ATP8A2: variants seen among roughly 807,000 people sequenced by gnomAD.
The protein encoded by ATP8A2 is phospholipid-transporting ATPase IB.
In ATP8A2, 100 loss-of-function variants were observed where a neutral mutation model predicts 165.6. The observed-to-expected ratio is 0.60, with a 90% CI of 0.51 to 0.71. The LOEUF (loss-of-function observed/expected upper bound fraction) is 0.71. Ranked by LOEUF, ATP8A2 falls within the 30% of genes least tolerant of loss-of-function variation. ATP8A2 has a pLI of 0.00. For synonymous variants in ATP8A2, 543 were observed against 548.8 expected (o/e 0.99, Z 0.15); for missense variants, 1,227 against 1,479.5 (o/e 0.83, Z 2.80).
At chr13:25,657,226 T>C (rs2041953127) in intron 24 of ATP8A2, among the ~76,000 whole-genome samples, 1 of 152,072 alleles carries the variant, frequency 6.6e-6, no homozygotes. Context: ...GAAACCAAAG[T>C]GCAAAATAAG....
intron 35 of ATP8A2, 131 bp downstream of exon 35, chr13:25,968,810 G>C (rs1388210861): frequency 2.9e-6 from 2 of 693,834 alleles, no homozygotes; most frequent in African/African-American, 1.8e-5. Flanking sequence ...AAGAATTTTG[G>C]TTATTCTCAG....
intron 1 of ATP8A2, among the ~76,000 whole-genome samples, chr13:25,441,379 A>C (rs188205044): frequency 1.3e-5 from 2 of 152,170 alleles, no homozygotes; most frequent in Non-Finnish European, 1.5e-5. Flanking sequence ...TTTTGTCCCA[A>C]CCTTACCATT....
chr13:25,484,301 T>C (rs1428009516), intron 2 of ATP8A2, among the ~76,000 whole-genome samples: 1 of 151,980 alleles, frequency 6.6e-6, no homozygotes, highest in Non-Finnish European at 1.5e-5. Flanking sequence ...ATGACTAGAG[T>C]TGTATTGAAT....
chr13:25,807,286 C>T (rs1950762195), intron 27 of ATP8A2, among the ~76,000 whole-genome samples: 1 of 151,928 alleles, frequency 6.6e-6, no homozygotes, highest in Admixed American at 6.6e-5. Context: ...AAACTTTACT[C>T]CATTTTCTTG....
At chr13:25,621,157 G>C (rs2040957503) in intron 24 of ATP8A2, among the ~76,000 whole-genome samples, 1 of 152,088 alleles carries the variant, frequency 6.6e-6, no homozygotes, top group African/African-American at 2.4e-5. Flanking sequence ...TTTGTGTCTG[G>C]CTCTTCACCA....
intron 33 of ATP8A2, chr13:25,868,194 T>G (rs1394676510): frequency 4.5e-6 from 2 of 448,862 alleles, no homozygotes; most frequent in Non-Finnish European, 8.9e-6. Context: ...TTAAACTGTT[T>G]TATTATACTC....
At chr13:25,853,396 A>AATATATATATATAT (rs1555278503) in intron 30 of ATP8A2, among the ~76,000 whole-genome samples, 2 of 107,850 alleles carry the variant, frequency 1.9e-5, no homozygotes, top group East Asian at 2.4e-4. Flanking sequence ...ATCTAAAAAA[A>AATATATATATATAT]ATATATATAT....
rs542423984 is a variant in ATP8A2, at chr13:25,702,324, C to CA, written c.2384+2984dup. Reference sequence around the variant, plus strand: ...TAAACTAAAACAGTACTTTAGGCAGCAAAAAGAAGGGAATGCAAGAATTTA... The same window carrying CA: ...TAAACTAAAACAGTACTTTAGGCAGCAAAAAAGAAGGGAATGCAAGAATTTA... On this transcript the variant is annotated intron_variant, in intron 25 of 36. Coordinates refer to ENST00000381655, the MANE Select transcript of ATP8A2 (RefSeq NM_016529.6). 6.1e-4 allele frequency among the ~76,000 whole-genome samples: 93 copies of CA among 152,094 alleles called. 1 individual carries two copies. Among genetic ancestry groups the CA allele is most frequent in the African/African-American group, 2.2e-3 (92 of 41,500 alleles).
chr13:25,373,489 G>A (rs986160979), intron 1 of ATP8A2, among the ~76,000 whole-genome samples: 4 of 152,146 alleles, frequency 2.6e-5, no homozygotes, highest in Admixed American at 6.5e-5. Flanking sequence ...GAGACAGTGG[G>A]AGGGCGCAGT....
At chr13:25,909,263 G>C (rs1954036300) in intron 33 of ATP8A2, among the ~76,000 whole-genome samples, 1 of 152,190 alleles carries the variant, frequency 6.6e-6, no homozygotes, top group Non-Finnish European at 1.5e-5. Context: ...AAAATACCTA[G>C]AGGAAAGGAT....
At chr13:25,942,183 A>AT (rs1479984168) in intron 33 of ATP8A2, among the ~76,000 whole-genome samples, 1 of 151,966 alleles carries the variant, frequency 6.6e-6, no homozygotes, top group African/African-American at 2.4e-5. Flanking sequence ...AATTTGCCAA[A>AT]TTTTTTTTAT....
rs115021227 is a variant in ATP8A2 at position 25,595,253 on chromosome 13, G to A, written c.2211+5554G>A. ...AAAAGAAAGATGTACTGGCAAAGAT[G>A]TGTTTGCTCAGAGCAAAGCATTAAT... On this transcript the variant is annotated intron_variant, in intron 24 of 36. Transcript: ENST00000381655. Among the ~76,000 whole-genome samples the A allele has an allele frequency of 9.4e-3, 1,439 of 152,302 alleles. 26 individuals are homozygous for A. Among genetic ancestry groups the A allele is most frequent in the African/African-American group, 0.033 (1,385 of 41,552 alleles).
intron 31 of ATP8A2, 86 bp downstream of exon 31, chr13:25,860,342 C>T (rs545047639): frequency 2.7e-5 from 19 of 698,548 alleles, no homozygotes; most frequent in Admixed American, 5.5e-5. Context: ...GGGCCTTCCT[C>T]ATTATTATTA....
intron 2 of ATP8A2, among the ~76,000 whole-genome samples, chr13:25,516,690 C>T (rs1336850707): frequency 2.0e-5 from 3 of 151,280 alleles, no homozygotes; most frequent in Non-Finnish European, 4.4e-5. Flanking sequence ...CCTTCTCTTG[C>T]AGTGCAAAAT....
chr13:26,018,713 G>A (rs142735646), intron 36 of ATP8A2, among the ~76,000 whole-genome samples: 1 of 152,262 alleles, frequency 6.6e-6, no homozygotes, highest in African/African-American at 2.4e-5. Flanking sequence ...ACTAAAGCTG[G>A]TTCTCAGCTC....
At position 25,945,483 on chromosome 13, in the gene ATP8A2, G is replaced by C. The variant is rs533206850; in HGVS notation, c.3184-16092G>C. 5.9e-5 allele frequency among the ~76,000 whole-genome samples: 9 copies of C among 152,284 alleles called. No individual in the cohort carries two copies. The South Asian group carries it at 1.9e-3, about 32-fold the overall frequency. ...AATTTCTGAATTGGGTACTTGGAAT[G>C]GACATTCTTCACAATTTTCACTGGG... On this transcript the variant is annotated intron_variant, in intron 33 of 36. Transcript: ENST00000381655.
intron 30 of ATP8A2, among the ~76,000 whole-genome samples, chr13:25,842,596 C>G (rs767539634): frequency 6.6e-6 from 1 of 151,522 alleles, no homozygotes; most frequent in Non-Finnish European, 1.5e-5. Flanking sequence ...CGCTTGAACC[C>G]GGGAGGTGGA....
intron 24 of ATP8A2, among the ~76,000 whole-genome samples, chr13:25,637,887 C>T (rs974289838): frequency 2.6e-5 from 4 of 152,144 alleles, no homozygotes; most frequent in Non-Finnish European, 4.4e-5. Context: ...CTCACACGGC[C>T]GGGTACCCCT....
At chr13:25,565,365 T>C (rs1269191769) in intron 16 of ATP8A2, among the ~76,000 whole-genome samples, 2 of 152,246 alleles carry the variant, frequency 1.3e-5, no homozygotes, top group Non-Finnish European at 2.9e-5. Flanking sequence ...AAGTGTTTCC[T>C]GATCACCGCA....
Sources: gnomAD v4.1 joint callset for allele counts (sites outside exome capture counted in the v4.1 genomes callset) on GRCh38, gnomAD v4.1.1 for gene constraint, MANE v1.5 for transcripts, NCBI Gene and HGNC (gene_info 2026-07-23, HGNC 2026-07-21) for gene names.